Variants in POU6F2 observed in about 807,000 individuals in gnomAD.
The protein encoded by POU6F2 is POU domain, class 6, transcription factor 2.
Under a neutral mutation model 71.3 loss-of-function variants are expected in POU6F2, and 31 were observed. That is an observed-to-expected ratio of 0.43 (90% CI 0.33 to 0.59). POU6F2 has a LOEUF of 0.59. Among genes scored for constraint, POU6F2 ranks in the 20% least tolerant of loss-of-function variants. The probability of loss-of-function intolerance (pLI) is 0.04; values close to 1 mark genes in which losing one functional copy is unlikely to be tolerated. For synonymous variants in POU6F2, 347 were observed against 355.7 expected, an observed-to-expected ratio of 0.98 and a Z score of 0.27; for missense variants, 783 against 856.8, an observed-to-expected ratio of 0.91 and a Z score of 1.07.
chr7:39,321,046 C>A (rs933280080), intron 4 of POU6F2, among the ~76,000 whole-genome samples: 1 of 152,100 alleles, frequency 6.6e-6, no homozygotes, highest in Non-Finnish European at 1.5e-5. Context: ...ACAGAGTGAG[C>A]CCTTGGTCTC....
In POU6F2 at chr7:38,999,151, C is replaced by T. The variant is rs577117126; in HGVS notation, c.105+21093C>T. 3.3e-5 allele frequency among the ~76,000 whole-genome samples: 5 copies of T among 152,206 alleles called. No homozygotes were observed. The South Asian group carries it at 8.3e-4, about 25-fold the overall frequency. On this transcript the variant is annotated intron_variant, in intron 1 of 9. Coordinates refer to ENST00000518318, the MANE Select transcript of POU6F2 (RefSeq NM_001370959.1). ...AGATCCTAATAGCATCTCCCCTATA[C>T]AGGCTTCTTTACATGACATTTGAAA...
chr7:39,177,658 C>T (rs1208242196), intron 2 of POU6F2, among the ~76,000 whole-genome samples: 1 of 152,172 alleles, frequency 6.6e-6, no homozygotes, highest in Non-Finnish European at 1.5e-5. Context: ...CCTGAAAGGT[C>T]CTATAGTTCT....
intron 6 of POU6F2, among the ~76,000 whole-genome samples, chr7:39,408,069 A>G (rs749738290): frequency 2.0e-5 from 3 of 152,222 alleles, no homozygotes; most frequent in African/African-American, 4.8e-5. Flanking sequence ...TCAAAAGCCT[A>G]TTAAGATTTC....
At chr7:39,121,473 C>T (rs1364629915) in intron 2 of POU6F2, among the ~76,000 whole-genome samples, 5 of 152,192 alleles carry the variant, frequency 3.3e-5, no homozygotes, top group African/African-American at 1.2e-4. Flanking sequence ...GAATGATTTT[C>T]CCAACTGGTT....
intron 1 of POU6F2, among the ~76,000 whole-genome samples, chr7:39,011,653 G>A (rs1164126013): frequency 1.7e-4 from 25 of 149,836 alleles, no homozygotes; most frequent in Admixed American, 7.3e-4. Flanking sequence ...ATTTTGCAGC[G>A]GCTGGTACCG....
chr7:39,312,111 G>A lies in POU6F2; in HGVS notation c.599-27531G>A, dbSNP rs139585150. Among the ~76,000 whole-genome samples, 678 of 152,106 alleles carry A rather than the reference G, an allele frequency of 4.5e-3. 3 individuals carry two copies. Among genetic ancestry groups the A allele is most frequent in the African/African-American group, 0.015 (611 of 41,492 alleles). Reference sequence around the variant, plus strand: ...AGCAACTCACAGAAGAAAAAGATACGGAGGATAGACATTGGTGATCCAACA... The same window carrying A: ...AGCAACTCACAGAAGAAAAAGATACAGAGGATAGACATTGGTGATCCAACA... On this transcript the variant is annotated intron_variant, in intron 4 of 9. Transcript: ENST00000518318.
Position 39,444,533 on chromosome 7 carries a change from G to A in POU6F2, c.1321-7000G>A, listed in dbSNP as rs3819416. ...TGGGAGGCAGAGGTTGCGGTGACCC[G>A]AGATCGCACCACTGCACTCCAGCTT... On this transcript the variant is annotated intron_variant, in intron 7 of 9. Coordinates refer to ENST00000518318, the MANE Select transcript of POU6F2 (RefSeq NM_001370959.1). Among the ~76,000 whole-genome samples the A allele has an allele frequency of 7.0e-3, 1,070 of 152,346 alleles. 18 individuals carry two copies. Among genetic ancestry groups the A allele is most frequent in the East Asian group, 0.06 (313 of 5,178 alleles).
intron 2 of POU6F2, among the ~76,000 whole-genome samples, chr7:39,155,791 T>C (rs1406836069): frequency 6.6e-6 from 1 of 152,232 alleles, no homozygotes; most frequent in Non-Finnish European, 1.5e-5. Context: ...GAGAAATTTA[T>C]TTTTAAAGTT....
chr7:39,389,408 A>G (rs774573645), intron 5 of POU6F2, among the ~76,000 whole-genome samples: 6 of 152,222 alleles, frequency 3.9e-5, no homozygotes, highest in Non-Finnish European at 7.3e-5. Flanking sequence ...GTTATATCCA[A>G]AGTTTCTCAG....
chr7:39,374,935 G>A (rs998557242), intron 5 of POU6F2, among the ~76,000 whole-genome samples: 6 of 152,262 alleles, frequency 3.9e-5, no homozygotes, highest in African/African-American at 7.2e-5. Context: ...CAGCAATGCC[G>A]TCTCAGCCTC....
At position 39,451,421 on chromosome 7, in the gene POU6F2, T is replaced by A. The variant is rs1788656790; in HGVS notation, c.1321-112T>A. 8 of 1,174,310 alleles carry A rather than the reference T, an allele frequency of 6.8e-6. No homozygotes were observed. In the Admixed American group the frequency reaches 2.1e-4, roughly 30 times the overall value. 72.7% of individuals were successfully genotyped at this position (1,174,310 alleles called of 1,614,324 possible). ...TAGGGTGCGCACTCTTCCTGAGAAG[T>A]ATATATTCTTGGAAATAAAATGATT... On this transcript the variant is annotated intron_variant, in intron 7 of 9. Transcript: ENST00000518318.
intron 1 of POU6F2, chr7:39,002,007 C>T (rs1397398753): frequency 1.3e-5 from 2 of 152,142 alleles, no homozygotes; most frequent in Admixed American, 1.3e-4. Context: ...GGGTTTAAAA[C>T]TAACCTGTGG....
intron 4 of POU6F2, among the ~76,000 whole-genome samples, chr7:39,327,684 C>CAT (rs1392810120): frequency 1.3e-5 from 2 of 151,290 alleles, no homozygotes; most frequent in East Asian, 1.9e-4. Context: ...ATATATAAAT[C>CAT]ATATATATAT....
chr7:39,102,380 C>T (rs1436765214), intron 2 of POU6F2, among the ~76,000 whole-genome samples: 1 of 152,102 alleles, frequency 6.6e-6, no homozygotes, highest in African/African-American at 2.4e-5. Context: ...CAGCCATTTC[C>T]ACTGTTTGCC....
At chr7:39,223,947 C>A (rs1794415663) in intron 4 of POU6F2, among the ~76,000 whole-genome samples, 1 of 152,148 alleles carries the variant, frequency 6.6e-6, no homozygotes, top group South Asian at 2.1e-4. Context: ...ATCTATTAGA[C>A]ATTTTTGGTG....
chr7:39,036,351 T>G (rs1212920129), intron 1 of POU6F2, among the ~76,000 whole-genome samples: 1 of 152,158 alleles, frequency 6.6e-6, no homozygotes, highest in Non-Finnish European at 1.5e-5. Flanking sequence ...AGAATATGCT[T>G]CCATTGGGTA....
At chr7:39,455,452 C>T (rs995161064) in intron 8 of POU6F2, among the ~76,000 whole-genome samples, 1 of 152,164 alleles carries the variant, frequency 6.6e-6, no homozygotes, top group Non-Finnish European at 1.5e-5. Flanking sequence ...GCATTGCAAA[C>T]TCCCAAATGG....
chr7:39,457,610 A>C (rs1322442880), intron 8 of POU6F2, among the ~76,000 whole-genome samples: 1 of 152,206 alleles, frequency 6.6e-6, no homozygotes, highest in East Asian at 1.9e-4. Context: ...AGACTTGGTC[A>C]AGCCAGGGCC....
chr7:39,311,475 A>G (rs1431809836), intron 4 of POU6F2, among the ~76,000 whole-genome samples: 1 of 152,230 alleles, frequency 6.6e-6, no homozygotes. Context: ...GCTAGAACGT[A>G]AGCTCCGCAT....
Sources: gnomAD v4.1 joint callset for allele counts (sites outside exome capture counted in the v4.1 genomes callset) on GRCh38, gnomAD v4.1.1 for gene constraint, MANE v1.5 for transcripts, NCBI Gene and HGNC (gene_info 2026-07-23, HGNC 2026-07-21) for gene names.